SMARCC1: variants seen among roughly 807,000 people sequenced by gnomAD.
The protein encoded by SMARCC1 is SWI/SNF related BAF chromatin remodeling complex subunit C1.
Under a neutral mutation model 147.4 loss-of-function variants are expected in SMARCC1, and 43 were observed. The observed-to-expected ratio is 0.29, with a 90% CI of 0.23 to 0.38. SMARCC1 has a LOEUF of 0.38. Among genes scored for constraint, SMARCC1 ranks in the 10% least tolerant of loss-of-function variants. SMARCC1 has a pLI of 1.00. For synonymous variants in SMARCC1, 495 were observed against 484.4 expected (o/e 1.02, Z -0.29); for missense variants, 1,119 against 1,381.1 (o/e 0.81, Z 3.01).
intron 1 of SMARCC1, among the ~76,000 whole-genome samples, chr3:47,776,373 G>T (rs954868798): frequency 2.0e-5 from 3 of 152,096 alleles, no homozygotes; most frequent in African/African-American, 7.2e-5. Flanking sequence ...AGGCCGCGGC[G>T]GGTGGACCAC....
intron 6 of SMARCC1, among the ~76,000 whole-genome samples, chr3:47,728,254 T>C (rs1195884344): frequency 6.6e-6 from 1 of 150,754 alleles, no homozygotes; most frequent in African/African-American, 2.4e-5. Flanking sequence ...AGCCGGCTAA[T>C]TTTTGGTATT....
chr3:47,633,861 G>C (rs1354246936), intron 24 of SMARCC1, among the ~76,000 whole-genome samples: 1 of 144,658 alleles, frequency 6.9e-6, no homozygotes, highest in Non-Finnish European at 1.5e-5. Context: ...TAATCCTTCA[G>C]ATCTCTAAAA....
intron 15 of SMARCC1, 107 bp downstream of exon 15, chr3:47,680,330 G>C (rs1202830282): frequency 1.3e-6 from 1 of 766,054 alleles, no homozygotes; most frequent in East Asian, 2.5e-5. Flanking sequence ...TCTGAAAGGA[G>C]TATTTGCAAA....
chr3:47,636,207 CT>C, intron 22 of SMARCC1, 71 bp from the exon 23 acceptor site: 2 of 758,108 alleles, frequency 2.6e-6, no homozygotes, highest in Non-Finnish European at 2.2e-6. Flanking sequence ...GAGTAATTAT[CT>C]TAGACTAGCA....
At chr3:47,713,138 C>T (rs2034110227) in intron 8 of SMARCC1, among the ~76,000 whole-genome samples, 2 of 151,880 alleles carry the variant, frequency 1.3e-5, no homozygotes, top group Admixed American at 1.3e-4. Flanking sequence ...CTGGCTAACA[C>T]AGTGAAACCC....
chr3:47,633,004 A>G (rs1287383347), intron 24 of SMARCC1, among the ~76,000 whole-genome samples: 2 of 151,620 alleles, frequency 1.3e-5, no homozygotes, highest in African/African-American at 4.8e-5. Flanking sequence ...CTACGGTGTA[A>G]TGAGACAGAC....
intron 21 of SMARCC1, among the ~76,000 whole-genome samples, chr3:47,642,231 C>T (rs1272795576): frequency 6.6e-6 from 1 of 152,114 alleles, no homozygotes; most frequent in African/African-American, 2.4e-5. Context: ...AAATACTATA[C>T]AAAAGTAAGC....
chr3:47,588,228 G>A lies in SMARCC1; in HGVS notation c.3299C>T (p.Pro1100Leu). The change falls in exon 28 of 28, where the codon CCA (proline) becomes CTA (leucine). Residue 1100 changes from proline (P) to leucine (L), a missense_variant. Pro to Leu is a moderately conservative substitution (Grantham distance 98, BLOSUM62 -3). Transcript: ENST00000254480. ...TCCAGGCTAAGGAGCAGCTGAGGCT[G>A]GCGGGCCAGGAGCAGGAGGCGGAGG... is the stretch of plus-strand genomic sequence containing the variant. The part of the protein sequence containing the change: ...GVPPPPAPGP[P>L]ASAAP 1 of 1,613,652 alleles carries A rather than the reference G, an allele frequency of 6.2e-7. No homozygotes were observed. The highest frequency in any genetic ancestry group is 2.2e-5 in the East Asian group (1 of 44,872).
chr3:47,635,409 C>T lies in SMARCC1; in HGVS notation c.2492-65G>A, dbSNP rs1185063734. On this transcript the variant is annotated intron_variant, in intron 23 of 27. Transcript: ENST00000254480. ...CTCGAAAACCCATCTTTCTCCTTAC[C>T]TCCACCACTATAACAAACTAGGACT... 4.5e-5 allele frequency: 62 copies of T among 1,367,206 alleles called. 1 individual carries two copies. The highest frequency in any genetic ancestry group is 1.9e-4 in the South Asian group (16 of 84,914). The allele number at this position is 1,367,206 out of a possible 1,614,324, so 84.7% of individuals were successfully genotyped here. A position where few individuals can be genotyped will look rare whatever the true frequency, so the allele number is the denominator to read the frequency against.
In SMARCC1 at chr3:47,701,077, C is replaced by T. The variant is rs1039946147; in HGVS notation, c.1165+201G>A. Among the ~76,000 whole-genome samples, 8 of 151,938 alleles carry T rather than the reference C, an allele frequency of 5.3e-5. No individual in the cohort carries two copies. The East Asian group carries it at 1.5e-3, about 29-fold the overall frequency. On this transcript the variant is annotated intron_variant, in intron 11 of 27. Transcript: ENST00000254480. The stretch of plus-strand genomic sequence containing the variant: ...TTACTAAATTAAAGATGTTTTTGGT[C>T]GCTGTAAGTTTTCTCTATAAACAAA...
chr3:47,631,915 C>A lies in SMARCC1; in HGVS notation c.2646+3275G>T, dbSNP rs148658643. ...GTGTGCTATCAAATTTATCAGATCC[C>A]AGCTGTAAGTGGCACTGAAGGGTTC... On this transcript the variant is annotated intron_variant, in intron 24 of 27. Coordinates refer to ENST00000254480, the MANE Select transcript of SMARCC1 (RefSeq NM_003074.4). Among the ~76,000 whole-genome samples, 15 of 152,206 alleles carry A rather than the reference C, an allele frequency of 9.9e-5. 1 individual carries two copies. In the East Asian group the frequency reaches 2.5e-3, roughly 25 times the overall value.
intron 27 of SMARCC1, among the ~76,000 whole-genome samples, chr3:47,590,430 T>C (rs1326698103): frequency 6.6e-6 from 1 of 152,182 alleles, no homozygotes; most frequent in Non-Finnish European, 1.5e-5. Flanking sequence ...ATGCTGACAG[T>C]GCATGCCATA....
Position 47,736,049 on chromosome 3 carries a change from G to A in SMARCC1, c.561C>T (p.Ile187=), listed in dbSNP as rs2034439073. 3 of 1,568,404 alleles carry A rather than the reference G, an allele frequency of 1.9e-6. No homozygotes were observed. Residue 187 remains isoleucine (I), a synonymous_variant, in exon 5 of 28, where the codon ATC becomes ATT. Transcript: ENST00000254480. The part of the protein sequence containing the change: ...DLKLANKLKD[I]IKRHQGTFTD... ...TGTCTATTACCTGATGTCGTTTGAT[G>A]ATATCTTTCAATTTGTTAGCCAACT... is the stretch of plus-strand genomic sequence containing the variant.
chr3:47,621,550 C>G (rs1407502579), intron 25 of SMARCC1, among the ~76,000 whole-genome samples: 1 of 151,976 alleles, frequency 6.6e-6, no homozygotes, highest in Non-Finnish European at 1.5e-5. Flanking sequence ...AGTGAATTAA[C>G]CCGGAAGCAA....
chr3:47,714,849 T>C (rs1184028243), intron 7 of SMARCC1, among the ~76,000 whole-genome samples: 1 of 152,156 alleles, frequency 6.6e-6, no homozygotes, highest in African/African-American at 2.4e-5. Flanking sequence ...AATCTATTAA[T>C]AGAAACTTAT....
At chr3:47,644,028 A>C (rs1246787231) in intron 21 of SMARCC1, among the ~76,000 whole-genome samples, 1 of 152,204 alleles carries the variant, frequency 6.6e-6, no homozygotes. Flanking sequence ...ATCTATAAAA[A>C]AATTAAAAAT....
chr3:47,770,338 G>A (rs553557492), intron 2 of SMARCC1, among the ~76,000 whole-genome samples: 2 of 151,898 alleles, frequency 1.3e-5, no homozygotes, highest in African/African-American at 2.4e-5. Flanking sequence ...GACCAGCCTG[G>A]GACCAGGCAC....
Position 47,588,277 on chromosome 3 carries a change from G to A in SMARCC1, c.3250C>T (p.Pro1084Ser), listed in dbSNP as rs1374027918. The A allele has an allele frequency of 6.2e-7, 1 of 1,613,996 alleles. No individual in the cohort carries two copies. The highest frequency in any genetic ancestry group is 8.5e-7 in the Non-Finnish European group (1 of 1,179,942). ...YPPPPQQQPP[P>S]PPPADGVPPP... Reference sequence around the variant, plus strand: ...GGGACCCCATCTGCAGGTGGTGGTGGCGGTGGCTGCTGCTGTGGTGGAGGG... The same window carrying A: ...GGGACCCCATCTGCAGGTGGTGGTGACGGTGGCTGCTGCTGTGGTGGAGGG... The change falls in exon 28 of 28, where the codon CCA becomes TCA. Residue 1084 changes from proline (P) to serine (S), a missense_variant. Pro to Ser is a moderately conservative substitution (Grantham distance 74). Transcript: ENST00000254480.
intron 19 of SMARCC1, 42 bp downstream of exon 19, chr3:47,670,616 A>G (rs1377979768): frequency 7.5e-6 from 9 of 1,203,826 alleles, no homozygotes; most frequent in Non-Finnish European, 9.9e-6. Context: ...AATGCTAGTC[A>G]AAGAATCTTA....
Sources: gnomAD v4.1 joint callset for allele counts (sites outside exome capture counted in the v4.1 genomes callset) on GRCh38, gnomAD v4.1.1 for gene constraint, MANE v1.5 for transcripts, NCBI Gene and HGNC (gene_info 2026-07-23, HGNC 2026-07-21) for gene names.